The following OR10J5 variants were observed in gnomAD, a reference collection of about 807,000 sequenced individuals.
OR10J5 encodes olfactory receptor family 10 subfamily J member 5.
For missense variants in OR10J5, 389 were observed against 372.1 expected (o/e 1.05, Z -0.37); for synonymous variants, 171 against 137.1 (o/e 1.25, Z -1.73).
chr1:159,535,411 A>G lies in OR10J5; in HGVS notation c.597T>C (p.Tyr199=), dbSNP rs544179663. The G allele has an allele frequency of 1.9e-6, 3 of 1,614,128 alleles. No individual in the cohort carries two copies. The highest frequency in any genetic ancestry group is 1.7e-6 in the Non-Finnish European group (2 of 1,179,944). Residue 199 remains tyrosine, a synonymous_variant, in exon 1 of 1, where the codon TAT becomes TAC. Coordinates refer to ENST00000334857, the MANE Select transcript of OR10J5 (RefSeq NM_001004469.1). ...CAAAAATCACAAATGAACTTACACC[A>G]TAATTTATTATCTCATTGATAGTGG... ...IDTTINEIIN[Y]GVSSFVIFVP...
At position 159,535,834 on chromosome 1, in the gene OR10J5, G is replaced by A; in HGVS notation, c.174C>T (p.Pro58=). 6.2e-7 allele frequency: 1 copy of A among 1,614,074 alleles called. No homozygotes were observed. Among genetic ancestry groups the A allele is most frequent in the Non-Finnish European group, 8.5e-7 (1 of 1,179,980 alleles). The change falls in exon 1 of 1, where the codon CCC becomes CCT. Residue 58 remains proline (P), a synonymous_variant. Transcript: ENST00000334857. ...CCAGCATGCTTAGGAAGAAATACAT[G>A]GGAGTGTGGAGATGATGGTCAATGC... ...IICIDHHLHT[P]MYFFLSMLAS...
rs538107923 is a variant in OR10J5 at position 159,535,948 on chromosome 1, A to G, written c.60T>C (p.Phe20=). 1 of 1,613,470 alleles carries G rather than the reference A, an allele frequency of 6.2e-7. No homozygotes were observed. Among genetic ancestry groups the G allele is most frequent in the South Asian group, 1.1e-5 (1 of 90,924 alleles). Residue 20 remains phenylalanine, a synonymous_variant, in exon 1 of 1, where the codon TTT becomes TTC. Coordinates refer to ENST00000334857, the MANE Select transcript of OR10J5 (RefSeq NM_001004469.1). ...CAAAGAGGGTTATCTGATGCTTTCC[A>G]AAGCTAGAAAATCCCAAGAAAATGA... The part of the protein sequence containing the change: ...SEFIFLGFSS[F]GKHQITLFVV...
chr1:159,535,648 A>C lies in OR10J5; in HGVS notation c.360T>G (p.Tyr120Ter). 1 of 1,614,204 alleles carries C rather than the reference A, an allele frequency of 6.2e-7. No homozygotes were observed. Among genetic ancestry groups the C allele is most frequent in the Non-Finnish European group, 8.5e-7 (1 of 1,180,026 alleles). Residue 120 changes from tyrosine (Y) to a stop codon, truncating the protein, a stop_gained, in exon 1 of 1, where the codon TAT (tyrosine) becomes TAG (stop). Transcript: ENST00000334857. LOFTEE classifies it low-confidence loss of function (END_TRUNC). ...NNCFLLTAMG[Y>*]DRYVAICRPL... is the part of the protein sequence containing the mutation. ...GTCTGCAGATGGCCACATAGCGGTC[A>C]TACCCCATTGCAGTAAGCAGGAAGC...
In OR10J5 at chr1:159,535,398, A is replaced by G; in HGVS notation, c.610T>C (p.Phe204Leu). The G allele has an allele frequency of 6.2e-7, 1 of 1,614,122 alleles. No individual in the cohort carries two copies. The highest frequency in any genetic ancestry group is 8.5e-7 in the Non-Finnish European group (1 of 1,179,970). The change falls in exon 1 of 1, where the codon TTT (phenylalanine) becomes CTT (leucine). Residue 204 changes from phenylalanine to leucine, a missense_variant. Coordinates refer to ENST00000334857, the MANE Select transcript of OR10J5 (RefSeq NM_001004469.1). ...AGGCCTATGGGCACAAAAATCACAA[A>G]TGAACTTACACCATAATTTATTATC... ...NEIINYGVSS[F>L]VIFVPIGLIF...
chr1:159,535,180 C>G lies in OR10J5; in HGVS notation c.828G>C (p.Thr276=). 1.2e-6 allele frequency: 2 copies of G among 1,613,886 alleles called. No homozygotes were observed. The highest frequency in any genetic ancestry group is 1.7e-6 in the Non-Finnish European group (2 of 1,179,850). Residue 276 remains threonine (T), a synonymous_variant, in exon 1 of 1, where the codon ACG becomes ACC. Transcript: ENST00000334857. ...TCAGCAAGGGAGTGATGATGGTGTA[C>G]GTCACTGAGAGAACAAGGTCTTTTT... is the stretch of plus-strand genomic sequence containing the variant. The part of the protein sequence containing the change: ...SIEKDLVLSV[T]YTIITPLLNP...
chr1:159,535,248 C>A lies in OR10J5; in HGVS notation c.760G>T (p.Ala254Ser). 2 of 1,614,054 alleles carry A rather than the reference C, an allele frequency of 1.2e-6. No individual in the cohort carries two copies. The highest frequency in any genetic ancestry group is 2.2e-5 in the East Asian group (1 of 44,844). Residue 254 changes from alanine to serine, a missense_variant, in exon 1 of 1, where the codon GCC becomes TCC. By Grantham distance (99) the Ala-to-Ser change is moderately conservative (BLOSUM62 1). Transcript: ENST00000334857. ...LTVVIVHCGC[A>S]SIAYLKPKSE... ...TTCGGCTTGAGGTAGGCAATGGAGGCACAGCCACAGTGGACAATAACCACA... is the reference window on the plus strand; with the variant it reads ...TTCGGCTTGAGGTAGGCAATGGAGGAACAGCCACAGTGGACAATAACCACA...
Position 159,535,486 on chromosome 1 carries a change from G to A in OR10J5, c.522C>T (p.Asp174=), listed in dbSNP as rs148415294. The A allele has an allele frequency of 1.1e-5, 18 of 1,613,992 alleles. No individual in the cohort carries two copies. Among genetic ancestry groups the A allele is most frequent in the Non-Finnish European group, 1.5e-5 (18 of 1,180,012 alleles). Reference sequence around the variant, plus strand: ...CTGGGTAAATGTCACAAAAGAAGTGGTCTACCACTGTGCCACAGAACGGCA... The same window carrying A: ...CTGGGTAAATGTCACAAAAGAAGTGATCTACCACTGTGCCACAGAACGGCA... ...FNLPFCGTVV[D]HFFCDIYPVM... Residue 174 remains aspartate (D), a synonymous_variant, in exon 1 of 1, where the codon GAC becomes GAT. Coordinates refer to ENST00000334857, the MANE Select transcript of OR10J5 (RefSeq NM_001004469.1).
At position 159,535,489 on chromosome 1, in the gene OR10J5, T is replaced by C. The variant is rs764423631; in HGVS notation, c.519A>G (p.Val173=). The C allele has an allele frequency of 6.2e-7, 1 of 1,614,038 alleles. No homozygotes were observed. The highest frequency in any genetic ancestry group is 1.3e-5 in the African/African-American group (1 of 74,942). The change falls in exon 1 of 1, where the codon GTA becomes GTG. Residue 173 remains valine, a synonymous_variant. Coordinates refer to ENST00000334857, the MANE Select transcript of OR10J5 (RefSeq NM_001004469.1). ...MFNLPFCGTV[V]DHFFCDIYPV... ...GGTAAATGTCACAAAAGAAGTGGTC[T>C]ACCACTGTGCCACAGAACGGCAAAT...
rs148415294 is a variant in OR10J5 at position 159,535,486 on chromosome 1, G to T, written c.522C>A (p.Asp174Glu). The change falls in exon 1 of 1, where the codon GAC becomes GAA. Residue 174 changes from aspartate to glutamate, a missense_variant. Transcript: ENST00000334857. ...CTGGGTAAATGTCACAAAAGAAGTG[G>T]TCTACCACTGTGCCACAGAACGGCA... The part of the protein sequence containing the change: ...FNLPFCGTVV[D>E]HFFCDIYPVM... 1 of 1,613,992 alleles carries T rather than the reference G, an allele frequency of 6.2e-7. No individual in the cohort carries two copies. The highest frequency in any genetic ancestry group is 8.5e-7 in the Non-Finnish European group (1 of 1,180,012).
chr1:159,535,112 G>T lies in OR10J5; in HGVS notation c.896C>A (p.Ala299Asp). Residue 299 changes from alanine (A) to aspartate (D), a missense_variant, in exon 1 of 1, where the codon GCC becomes GAC. Physicochemically the swap from Ala to Asp is moderately radical, Grantham distance 126. Transcript: ENST00000334857. ...ATTTCTGCCCACAACTCTGCATAGG[G>T]CATCCTTTACCTCCTTGTTTCTCAG... ...YSLRNKEVKD[A>D]LCRVVGRNIS The T allele has an allele frequency of 6.2e-7, 1 of 1,613,290 alleles. No homozygotes were observed. The highest frequency in any genetic ancestry group is 8.5e-7 in the Non-Finnish European group (1 of 1,179,526).
At position 159,535,864 on chromosome 1, in the gene OR10J5, G is replaced by A; in HGVS notation, c.144C>T (p.Ile48=). 6.2e-7 allele frequency: 1 copy of A among 1,614,110 alleles called. No individual in the cohort carries two copies. Among genetic ancestry groups the A allele is most frequent in the South Asian group, 1.1e-5 (1 of 91,084 alleles). The part of the protein sequence containing the change: ...TLVANIIIVT[I]ICIDHHLHTP... ...TGTGGAGATGATGGTCAATGCAGAT[G>A]ATAGTCACAATGATGATGTTAGCAA... is the stretch of plus-strand genomic sequence containing the variant. The change falls in exon 1 of 1, where the codon ATC becomes ATT. Residue 48 remains isoleucine (I), a synonymous_variant. Coordinates refer to ENST00000334857, the MANE Select transcript of OR10J5 (RefSeq NM_001004469.1).
Position 159,535,357 on chromosome 1 carries a change from A to G in OR10J5, c.651T>C (p.Tyr217=). Residue 217 remains tyrosine (Y), a synonymous_variant, in exon 1 of 1, where the codon TAT becomes TAC. Transcript: ENST00000334857. The part of the protein sequence containing the change: ...FVPIGLIFIS[Y]VLVISSILQI... Reference sequence around the variant, plus strand: ...GAAGGATGGAAGAGATGACAAGGACATAGGAGATAAATATCAGGCCTATGG... The same window carrying G: ...GAAGGATGGAAGAGATGACAAGGACGTAGGAGATAAATATCAGGCCTATGG... 1.9e-6 allele frequency: 3 copies of G among 1,614,194 alleles called. No individual in the cohort carries two copies. Among genetic ancestry groups the G allele is most frequent in the Non-Finnish European group, 2.5e-6 (3 of 1,180,032 alleles).
chr1:159,535,849 A>G lies in OR10J5; in HGVS notation c.159T>C (p.His53=). 6.2e-7 allele frequency: 1 copy of G among 1,614,132 alleles called. No homozygotes were observed. Among genetic ancestry groups the G allele is most frequent in the Non-Finnish European group, 8.5e-7 (1 of 1,179,982 alleles). ...IIIVTIICID[H]HLHTPMYFFL... ...AGAAATACATGGGAGTGTGGAGATG[A>G]TGGTCAATGCAGATGATAGTCACAA... Residue 53 remains histidine, a synonymous_variant, in exon 1 of 1, where the codon CAT becomes CAC. Coordinates refer to ENST00000334857, the MANE Select transcript of OR10J5 (RefSeq NM_001004469.1).
Position 159,535,220 on chromosome 1 carries a change from G to A in OR10J5, c.788C>T (p.Ser263Leu), listed in dbSNP as rs908784333. The change falls in exon 1 of 1, where the codon TCA (serine) becomes TTA (leucine). Residue 263 changes from serine to leucine, a missense_variant. Ser to Leu is a moderately radical substitution (Grantham distance 145, BLOSUM62 -2). Coordinates refer to ENST00000334857, the MANE Select transcript of OR10J5 (RefSeq NM_001004469.1). Reference protein sequence around the residue: ...CASIAYLKPKSESSIEKDLVL... With the variant: ...CASIAYLKPKLESSIEKDLVL... ...AAGGTCTTTTTCTATTGAACTTTCTGACTTCGGCTTGAGGTAGGCAATGGA... is the reference window on the plus strand; with the variant it reads ...AAGGTCTTTTTCTATTGAACTTTCTAACTTCGGCTTGAGGTAGGCAATGGA... 5 of 1,614,040 alleles carry A rather than the reference G, an allele frequency of 3.1e-6. No homozygotes were observed. The highest frequency in any genetic ancestry group is 4.2e-6 in the Non-Finnish European group (5 of 1,180,012).
Position 159,535,796 on chromosome 1 carries a change from G to T in OR10J5, c.212C>A (p.Thr71Lys). 6.2e-7 allele frequency: 1 copy of T among 1,614,050 alleles called. No individual in the cohort carries two copies. ...TGGCACAATGACCAGTGTGTACACCGTCTCTGAACTAGCCAGCATGCTTAG... is the reference window on the plus strand; with the variant it reads ...TGGCACAATGACCAGTGTGTACACCTTCTCTGAACTAGCCAGCATGCTTAG... ...FFLSMLASSE[T>K]VYTLVIVPRM... The change falls in exon 1 of 1, where the codon ACG (threonine) becomes AAG (lysine). Residue 71 changes from threonine (T) to lysine (K), a missense_variant. Physicochemically the swap from Thr to Lys is moderately conservative, Grantham distance 78 (BLOSUM62 -1). Transcript: ENST00000334857.
chr1:159,535,136 A>C lies in OR10J5; in HGVS notation c.872T>G (p.Leu291Arg). 1 of 1,613,986 alleles carries C rather than the reference A, an allele frequency of 6.2e-7. No individual in the cohort carries two copies. The highest frequency in any genetic ancestry group is 8.5e-7 in the Non-Finnish European group (1 of 1,179,874). ...GGCATCCTTTACCTCCTTGTTTCTC[A>C]GACTGTAAACAACAGGGTTCAGCAA... is the stretch of plus-strand genomic sequence containing the variant. ...TPLLNPVVYSLRNKEVKDALC... is the reference protein window; with the variant it reads ...TPLLNPVVYSRRNKEVKDALC... Residue 291 changes from leucine to arginine, a missense_variant, in exon 1 of 1, where the codon CTG becomes CGG. Physicochemically the swap from Leu to Arg is moderately radical, Grantham distance 102. Coordinates refer to ENST00000334857, the MANE Select transcript of OR10J5 (RefSeq NM_001004469.1).
At position 159,535,279 on chromosome 1, in the gene OR10J5, G is replaced by C; in HGVS notation, c.729C>G (p.His243Gln). The change falls in exon 1 of 1, where the codon CAC becomes CAG. Residue 243 changes from histidine (H) to glutamine (Q), a missense_variant. His to Gln is a conservative substitution (Grantham distance 24). Coordinates refer to ENST00000334857, the MANE Select transcript of OR10J5 (RefSeq NM_001004469.1). ...RKKTFATCVS[H>Q]LTVVIVHCGC... is the part of the protein sequence containing the mutation. ...CACAGTGGACAATAACCACAGTGAG[G>C]TGGGAGACACAGGTGGCAAAGGTCT... The C allele has an allele frequency of 6.2e-7, 1 of 1,614,136 alleles. No homozygotes were observed. Among genetic ancestry groups the C allele is most frequent in the Non-Finnish European group, 8.5e-7 (1 of 1,180,018 alleles).
In OR10J5 at chr1:159,535,201, T is replaced by C; in HGVS notation, c.807A>G (p.Lys269=). The change falls in exon 1 of 1, where the codon AAA becomes AAG. Residue 269 remains lysine (K), a synonymous_variant. Coordinates refer to ENST00000334857, the MANE Select transcript of OR10J5 (RefSeq NM_001004469.1). ...LKPKSESSIE[K]DLVLSVTYTI... ...TGTACGTCACTGAGAGAACAAGGTCTTTTTCTATTGAACTTTCTGACTTCG... is the reference window on the plus strand; with the variant it reads ...TGTACGTCACTGAGAGAACAAGGTCCTTTTCTATTGAACTTTCTGACTTCG... 3 of 1,614,076 alleles carry C rather than the reference T, an allele frequency of 1.9e-6. No individual in the cohort carries two copies. The highest frequency in any genetic ancestry group is 2.5e-6 in the Non-Finnish European group (3 of 1,180,002).
Position 159,535,750 on chromosome 1 carries a change from A to C in OR10J5, c.258T>G (p.Ile86Met). 6.2e-7 allele frequency: 1 copy of C among 1,614,178 alleles called. No individual in the cohort carries two copies. Among genetic ancestry groups the C allele is most frequent in the Non-Finnish European group, 8.5e-7 (1 of 1,180,014 alleles). The change falls in exon 1 of 1, where the codon ATT becomes ATG. Residue 86 changes from isoleucine (I) to methionine (M), a missense_variant. Ile to Met is a conservative substitution (Grantham distance 10, BLOSUM62 1). Transcript: ENST00000334857. ...VIVPRMLLSL[I>M]FHNQPISLAG... ...CCAAGGAGATAGGTTGGTTATGAAA[A>C]ATGAGGCTCAAAAGCATTCGTGGCA...
Sources: allele counts gnomAD v4.1 joint callset, GRCh38; gene constraint gnomAD v4.1.1; transcripts MANE v1.5; gene names NCBI Gene and HGNC (gene_info 2026-07-23, HGNC 2026-07-21).